DMD: variants seen among roughly 807,000 people sequenced by gnomAD.
DMD encodes dystrophin.
In DMD, 63 loss-of-function variants were observed where a neutral mutation model predicts 330.1. The observed-to-expected ratio is 0.19, with a 90% CI of 0.16 to 0.24. DMD has a LOEUF of 0.24. Ranked by LOEUF, DMD falls within the 10% of genes least tolerant of loss-of-function variation. The pLI is 1.00. For missense variants in DMD, 3,344 were observed against 2,684.1 expected (o/e 1.25, Z -5.43); for synonymous variants, 1,223 against 959.8 (o/e 1.27, Z -5.07).
chrX:32,951,635 A>G (rs2091253371), intron 2 of DMD, among the ~76,000 whole-genome samples: 2 of 112,045 alleles, frequency 1.8e-5, no homozygotes, highest in South Asian at 7.5e-4. Context: ...CCTCAGAAAT[A>G]TACTTTGGTG....
intron 57 of DMD, among the ~76,000 whole-genome samples, chrX:31,479,642 A>G (rs900950012): frequency 8.9e-6 from 1 of 112,478 alleles, no homozygotes; most frequent in Non-Finnish European, 1.9e-5. Context: ...ACTTTTGAAA[A>G]ATAGTCATTA....
intron 13 of DMD, 63 bp downstream of exon 13, chrX:32,595,694 A>T: frequency 1.8e-6 from 2 of 1,111,233 alleles, no homozygotes; most frequent in Non-Finnish European, 2.5e-6. Context: ...AATTTTTAAA[A>T]TACTTTTCAA....
At chrX:31,483,491 A>C (rs1280183020) in intron 57 of DMD, among the ~76,000 whole-genome samples, 1 of 112,612 alleles carries the variant, frequency 8.9e-6, no homozygotes, top group Non-Finnish European at 1.9e-5. Flanking sequence ...ATTGTGAGAG[A>C]CCACGTGTTT....
chrX:33,239,635 A>G (rs1213365976), intron 1 of DMD, among the ~76,000 whole-genome samples: 1 of 112,291 alleles, frequency 8.9e-6, no homozygotes, highest in African/African-American at 3.2e-5. Context: ...TTAAATGAAC[A>G]TAGAGAATTG....
intron 13 of DMD, among the ~76,000 whole-genome samples, chrX:32,578,207 A>G (rs1366351263): frequency 8.9e-6 from 1 of 111,864 alleles, no homozygotes; most frequent in Non-Finnish European, 1.9e-5. Context: ...AGAAAAAAAA[A>G]ATATGTAACT....
chrX:32,472,615 C>T (rs1424993272), intron 21 of DMD, among the ~76,000 whole-genome samples: 1 of 110,354 alleles, frequency 9.1e-6, no homozygotes, highest in African/African-American at 3.3e-5. Context: ...AACAGAGAAG[C>T]TAAGTAAATT....
At chrX:33,080,974 TCA>T (rs763162216) in intron 1 of DMD, among the ~76,000 whole-genome samples, 1,730 of 92,307 alleles carry the variant, frequency 0.019, 26 homozygotes, top group African/African-American at 0.051. Flanking sequence ...TTTATAAACA[TCA>T]CACACACACA....
intron 1 of DMD, among the ~76,000 whole-genome samples, chrX:33,131,856 T>G (rs776378257): frequency 1.8e-5 from 2 of 112,333 alleles, no homozygotes; most frequent in South Asian, 7.4e-4. Context: ...TCTATTACTT[T>G]GTCAGTACTT....
At chrX:32,938,152 C>A (rs1364875861) in intron 2 of DMD, among the ~76,000 whole-genome samples, 1 of 111,319 alleles carries the variant, frequency 9.0e-6, no homozygotes, top group East Asian at 2.8e-4. Context: ...TTAAGATCTA[C>A]CATTATGAGC....
chrX:32,983,423 G>A, intron 2 of DMD, among the ~76,000 whole-genome samples: 1 of 108,463 alleles, frequency 9.2e-6, no homozygotes, highest in African/African-American at 3.3e-5. Context: ...TGTCGATTTG[G>A]TTTCTAGATC....
chrX:32,222,461 T>G (rs2097135031), intron 43 of DMD, among the ~76,000 whole-genome samples: 1 of 111,514 alleles, frequency 9.0e-6, no homozygotes, highest in African/African-American at 3.3e-5. Context: ...AACAAAAATA[T>G]AAAAGATCAA....
chrX:32,090,494 A>C (rs1419146877), intron 44 of DMD, among the ~76,000 whole-genome samples: 1 of 111,298 alleles, frequency 9.0e-6, no homozygotes, highest in Admixed American at 9.6e-5. Flanking sequence ...CAGCTACTAG[A>C]GTGGTCAACC....
intron 29 of DMD, among the ~76,000 whole-genome samples, chrX:32,421,777 T>G (rs2098190859): frequency 8.9e-6 from 1 of 111,842 alleles, no homozygotes; most frequent in Non-Finnish European, 1.9e-5. Flanking sequence ...GTTTCCGGTG[T>G]GACGCTTTAA....
intron 1 of DMD, among the ~76,000 whole-genome samples, chrX:33,270,052 C>G (rs749274650): frequency 1.4e-4 from 16 of 110,465 alleles, no homozygotes; most frequent in Non-Finnish European, 2.5e-4. Flanking sequence ...TTTCTTTACT[C>G]TACCCTGATC....
intron 30 of DMD, among the ~76,000 whole-genome samples, chrX:32,404,949 T>C (rs750133682): frequency 9.0e-6 from 1 of 111,560 alleles, no homozygotes; most frequent in Non-Finnish European, 1.9e-5. Flanking sequence ...CCATCACCCA[T>C]TTTCCATTAG....
intron 34 of DMD, among the ~76,000 whole-genome samples, 187 bp downstream of exon 34, chrX:32,380,323 T>G (rs2097919605): frequency 9.0e-6 from 1 of 111,523 alleles, no homozygotes; most frequent in Non-Finnish European, 1.9e-5. Flanking sequence ...TTGGAGAGAC[T>G]CCTGCTAAAG....
intron 44 of DMD, among the ~76,000 whole-genome samples, chrX:32,167,778 T>A (rs2096873438): frequency 8.9e-6 from 1 of 111,896 alleles, no homozygotes; most frequent in Non-Finnish European, 1.9e-5. Flanking sequence ...GATGTTTTCC[T>A]TTTACCTTCC....
intron 55 of DMD, among the ~76,000 whole-genome samples, chrX:31,624,218 T>C (rs932593246): frequency 7.1e-5 from 8 of 111,902 alleles, no homozygotes; most frequent in African/African-American, 2.3e-4. Flanking sequence ...TGCTTAAAAA[T>C]TCCAGTTAGC....
At chrX:31,698,969 AAC>A (rs1453697618) in intron 52 of DMD, among the ~76,000 whole-genome samples, 11 of 112,003 alleles carry the variant, frequency 9.8e-5, no homozygotes, top group Non-Finnish European at 1.9e-4. Flanking sequence ...ATATTAGCCT[AAC>A]ATTTAAGGTT....
Sources: gnomAD v4.1 joint callset for allele counts (sites outside exome capture counted in the v4.1 genomes callset) on GRCh38, gnomAD v4.1.1 for gene constraint, MANE v1.5 for transcripts, NCBI Gene and HGNC (gene_info 2026-07-23, HGNC 2026-07-21) for gene names.